PTPRD: variants seen among roughly 807,000 people sequenced by gnomAD.
PTPRD encodes the protein receptor-type tyrosine-protein phosphatase delta.
PTPRD carries 34 observed loss-of-function variants against 214.5 expected under a neutral mutation model. The ratio of observed to expected loss-of-function variants is 0.16; its 90% confidence interval spans 0.12 to 0.21. PTPRD has a LOEUF of 0.21. PTPRD is among the 10% of genes least tolerant of loss of function. The probability of loss-of-function intolerance (pLI) is 1.00; values close to 1 mark genes in which losing one functional copy is unlikely to be tolerated. For synonymous variants in PTPRD, 1,128 were observed against 845.7 expected (o/e 1.33, Z -5.79); for missense variants, 2,545 against 2,398.7 (o/e 1.06, Z -1.27).
chr9:10,476,835 C>CA (rs1254619118), intron 2 of PTPRD, among the ~76,000 whole-genome samples: 1 of 152,092 alleles, frequency 6.6e-6, no homozygotes, highest in East Asian at 1.9e-4. Context: ...AATAACACCA[C>CA]ACATCTACAA....
intron 14 of PTPRD, among the ~76,000 whole-genome samples, chr9:8,606,752 A>G (rs1370121624): frequency 1.3e-5 from 2 of 152,200 alleles, no homozygotes; most frequent in Non-Finnish European, 2.9e-5. Flanking sequence ...GGTCATTTTT[A>G]TATCTATACA....
At chr9:8,371,645 T>C (rs969696394) in intron 39 of PTPRD, among the ~76,000 whole-genome samples, 1 of 152,116 alleles carries the variant, frequency 6.6e-6, no homozygotes, top group Non-Finnish European at 1.5e-5. Context: ...AACTGGATAG[T>C]GCATTCCAGC....
intron 6 of PTPRD, among the ~76,000 whole-genome samples, chr9:9,750,563 C>A (rs916614943): frequency 2.0e-5 from 3 of 152,096 alleles, no homozygotes; most frequent in African/African-American, 7.2e-5. Context: ...AGGGTGAGCC[C>A]AACAGATTCA....
intron 9 of PTPRD, among the ~76,000 whole-genome samples, chr9:9,380,193 C>T (rs1308257386): frequency 1.3e-5 from 2 of 151,974 alleles, no homozygotes; most frequent in East Asian, 1.9e-4. Context: ...CCTAGTTTTA[C>T]TGAGAGTTTT....
chr9:8,428,740 C>T (rs530807575), intron 35 of PTPRD, among the ~76,000 whole-genome samples: 1 of 152,156 alleles, frequency 6.6e-6, no homozygotes, highest in East Asian at 1.9e-4. Context: ...GAATACATGT[C>T]CCCCCTCATG....
intron 4 of PTPRD, among the ~76,000 whole-genome samples, chr9:9,992,901 T>C (rs1269937873): frequency 6.6e-6 from 1 of 152,062 alleles, no homozygotes; most frequent in African/African-American, 2.4e-5. Context: ...TATACATATG[T>C]TACAAACCTG....
At position 9,208,020 on chromosome 9, in the gene PTPRD, C is replaced by CTTTTTTTTTT. The variant is rs749709602; in HGVS notation, c.-202-24667_-202-24658dup. On this transcript the variant is annotated intron_variant, in intron 9 of 45. Coordinates refer to ENST00000381196, the MANE Select transcript of PTPRD (RefSeq NM_002839.4). ...TGGTATGGCTATTCATATATATCTG[C>CTTTTTTTTTT]TTTTTTTTTTTTTTTTTGAGACAGA... Among the ~76,000 whole-genome samples, 150 of 53,258 alleles carry CTTTTTTTTTT rather than the reference C, an allele frequency of 2.8e-3. 49 individuals carry two copies. Among genetic ancestry groups the CTTTTTTTTTT allele is most frequent in the Non-Finnish European group, 3.4e-3 (88 of 26,204 alleles). The allele number at this position is 53,258 out of a possible 152,430, so 34.9% of individuals were successfully genotyped here.
At chr9:9,106,329 T>C (rs2099798510) in intron 10 of PTPRD, among the ~76,000 whole-genome samples, 2 of 151,938 alleles carry the variant, frequency 1.3e-5, no homozygotes, top group Admixed American at 6.6e-5. Flanking sequence ...ATAATAACAA[T>C]AGGCATGTAC....
intron 20 of PTPRD, among the ~76,000 whole-genome samples, chr9:8,519,056 C>A (rs1340273251): frequency 6.6e-6 from 1 of 151,918 alleles, no homozygotes; most frequent in Non-Finnish European, 1.5e-5. Context: ...AGACACAATA[C>A]CATTACTAAA....
rs558198918 is a variant in PTPRD at position 10,594,262 on chromosome 9, G to C, written c.-600+18136C>G. Among the ~76,000 whole-genome samples the C allele has an allele frequency of 2.0e-5, 3 of 147,508 alleles. No individual in the cohort carries two copies. In the East Asian group the frequency reaches 5.8e-4, roughly 29 times the overall value. On this transcript the variant is annotated intron_variant, in intron 2 of 45. Transcript: ENST00000381196. Reference sequence around the variant, plus strand: ...ATTTCCCTTAAATATAAATGAAGGAGAAATTATATTGCACATGTCTTCAGT... The same window carrying C: ...ATTTCCCTTAAATATAAATGAAGGACAAATTATATTGCACATGTCTTCAGT...
chr9:9,609,827 G>C (rs1324272084), intron 7 of PTPRD, among the ~76,000 whole-genome samples: 1 of 152,138 alleles, frequency 6.6e-6, no homozygotes, highest in East Asian at 1.9e-4. Context: ...AGGCTGGTGG[G>C]TTGTGTTTTG....
chr9:10,181,641 G>C (rs1338273345), intron 3 of PTPRD, among the ~76,000 whole-genome samples: 1 of 151,520 alleles, frequency 6.6e-6, no homozygotes, highest in African/African-American at 2.4e-5. Context: ...ATAAAACATA[G>C]TAATTAAGAT....
At chr9:9,258,989 T>G (rs903683188) in intron 9 of PTPRD, among the ~76,000 whole-genome samples, 2 of 151,876 alleles carry the variant, frequency 1.3e-5, no homozygotes, top group Non-Finnish European at 2.9e-5. Flanking sequence ...TACAATTTCT[T>G]GTGGTGGGTA....
chr9:9,692,746 C>A (rs1413342212), intron 7 of PTPRD, among the ~76,000 whole-genome samples: 1 of 151,698 alleles, frequency 6.6e-6, no homozygotes, highest in Non-Finnish European at 1.5e-5. Flanking sequence ...AATACTGATT[C>A]TTCCAATCCA....
At chr9:8,845,873 C>A (rs191533830) in intron 11 of PTPRD, among the ~76,000 whole-genome samples, 1 of 152,124 alleles carries the variant, frequency 6.6e-6, no homozygotes, top group Non-Finnish European at 1.5e-5. Context: ...TCTGTTAGGG[C>A]GGTCATTTGA....
intron 3 of PTPRD, among the ~76,000 whole-genome samples, chr9:10,308,285 G>A (rs1298668486): frequency 1.3e-5 from 2 of 151,968 alleles, no homozygotes; most frequent in African/African-American, 4.8e-5. Context: ...GCATATGGAT[G>A]TCCAATGTTC....
intron 4 of PTPRD, among the ~76,000 whole-genome samples, chr9:10,003,063 A>T (rs2096371803): frequency 6.6e-6 from 1 of 151,888 alleles, no homozygotes; most frequent in African/African-American, 2.4e-5. Context: ...CTTGGAAATA[A>T]AATAAAGGCA....
intron 11 of PTPRD, among the ~76,000 whole-genome samples, chr9:8,952,398 T>C (rs2099107197): frequency 6.6e-6 from 1 of 152,040 alleles, no homozygotes; most frequent in African/African-American, 2.4e-5. Flanking sequence ...GGGCAATTTT[T>C]CTTGAATTAG....
At chr9:8,837,102 T>A (rs1224062629) in intron 11 of PTPRD, among the ~76,000 whole-genome samples, 3 of 146,606 alleles carry the variant, frequency 2.0e-5, no homozygotes, top group Non-Finnish European at 4.5e-5. Context: ...CTCCGCTCAC[T>A]CCAACCTCCG....
Sources: allele counts gnomAD v4.1 joint callset (sites outside exome capture counted in the v4.1 genomes callset), GRCh38; gene constraint gnomAD v4.1.1; transcripts MANE v1.5; gene names NCBI Gene and HGNC (gene_info 2026-07-23, HGNC 2026-07-21).